NPLOC4: variants seen among roughly 807,000 people sequenced by gnomAD.
NPLOC4 encodes NPL4 homolog, ubiquitin recognition factor.
A neutral mutation model predicts 80.6 loss-of-function variants in NPLOC4; 18 were observed. The ratio of observed to expected loss-of-function variants is 0.22; its 90% confidence interval spans 0.15 to 0.33. The LOEUF (loss-of-function observed/expected upper bound fraction) is 0.33. Among genes scored for constraint, NPLOC4 ranks in the 10% least tolerant of loss-of-function variants. The probability of loss-of-function intolerance (pLI) is 1.00; values close to 1 mark genes in which losing one functional copy is unlikely to be tolerated. For missense variants in NPLOC4, 540 were observed against 786.1 expected, an observed-to-expected ratio of 0.69 and a Z score of 3.74; for synonymous variants, 313 against 301.5, an observed-to-expected ratio of 1.04 and a Z score of -0.39.
chr17:81,562,145 T>C (rs2033870599), intron 16 of NPLOC4: 1 of 152,032 alleles, frequency 6.6e-6, no homozygotes, highest in Non-Finnish European at 1.5e-5. Flanking sequence ...GGCAGGAGTA[T>C]CACTTGAACC....
intron 4 of NPLOC4, chr17:81,612,535 G>C (rs909275867): frequency 3.3e-5 from 5 of 152,232 alleles, no homozygotes; most frequent in Admixed American, 2.0e-4. Flanking sequence ...TCTGATCTAA[G>C]ACATAAAAGT....
chr17:81,608,737 C>A lies in NPLOC4; in HGVS notation c.521G>T (p.Gly174Val). 1 of 1,585,478 alleles carries A rather than the reference C, an allele frequency of 6.3e-7. No homozygotes were observed. Among genetic ancestry groups the A allele is most frequent in the East Asian group, 2.3e-5 (1 of 43,604 alleles). The change falls in exon 6 of 17, where the codon GGG becomes GTG. Residue 174 changes from glycine (G) to valine (V), a missense_variant. This residue lies in a region of NPLOC4 where 61 missense variants were observed against 156.7 expected (regional missense o/e 0.39). Transcript: ENST00000331134. ...ACAGCAAGTTGCTTACTTGTCAGCCCCTCCAGTCAGCTTCCGGATGTAGGC... is the reference window on the plus strand; with the variant it reads ...ACAGCAAGTTGCTTACTTGTCAGCCACTCCAGTCAGCTTCCGGATGTAGGC... Reference protein sequence around the residue: ...FHAYIRKLTGGADKGKFVALE... With the variant: ...FHAYIRKLTGVADKGKFVALE...
intron 2 of NPLOC4, among the ~76,000 whole-genome samples, chr17:81,628,602 C>T (rs1285924559): frequency 6.6e-6 from 1 of 152,110 alleles, no homozygotes; most frequent in Non-Finnish European, 1.5e-5. Flanking sequence ...GACCAACAAA[C>T]CTACCTACAA....
chr17:81,568,386 G>A (rs536726612), intron 14 of NPLOC4, among the ~76,000 whole-genome samples: 1 of 152,364 alleles, frequency 6.6e-6, no homozygotes, highest in South Asian at 2.1e-4. Context: ...TGGGCGGATG[G>A]GCACTGAGGG....
At position 81,610,231 on chromosome 17, in the gene NPLOC4, G is replaced by C; in HGVS notation, c.414C>G (p.Cys138Trp). The C allele has an allele frequency of 6.3e-7, 1 of 1,575,320 alleles. No homozygotes were observed. Among genetic ancestry groups the C allele is most frequent in the Non-Finnish European group, 8.6e-7 (1 of 1,161,034 alleles). ...TCACCTCTAGAGGGACGCAGTGCAC[G>C]CATTTCCCCAAAGGGCCGTGGCGGC... ...QLCRHGPLGKCVHCVPLEPFD... is the reference protein window; with the variant it reads ...QLCRHGPLGKWVHCVPLEPFD... Residue 138 changes from cysteine to tryptophan, a missense_variant, in exon 5 of 17, where the codon TGC becomes TGG. By Grantham distance (215) the Cys-to-Trp change is radical (BLOSUM62 -2). Around this residue, in one of 6 missense-constraint regions of NPLOC4, gnomAD observed 74 missense variants for 75.7 expected, o/e 0.98. Coordinates refer to ENST00000331134, the MANE Select transcript of NPLOC4 (RefSeq NM_017921.4).
chr17:81,629,402 C>G (rs1372597034), intron 2 of NPLOC4, among the ~76,000 whole-genome samples: 4 of 151,830 alleles, frequency 2.6e-5, no homozygotes, highest in African/African-American at 4.8e-5. Flanking sequence ...CTTGGCCAGG[C>G]TGGTCTTGAA....
rs536162981 is a variant in NPLOC4 at position 81,622,599 on chromosome 17, G to A, written c.97-321C>T. Among the ~76,000 whole-genome samples the A allele has an allele frequency of 1.6e-4, 24 of 152,292 alleles. No individual in the cohort carries two copies. In the South Asian group the frequency reaches 4.8e-3, roughly 30 times the overall value. ...ACAGTCTCGTTCTGTAGCCCAAGCT[G>A]GAGTACAGTGGCATGATCTCGGCTT... On this transcript the variant is annotated intron_variant, in intron 2 of 16. Coordinates refer to ENST00000331134, the MANE Select transcript of NPLOC4 (RefSeq NM_017921.4).
At chr17:81,562,307 G>A (rs1357701953) in intron 16 of NPLOC4, 1 of 152,186 alleles carries the variant, frequency 6.6e-6, no homozygotes, top group Non-Finnish European at 1.5e-5. Flanking sequence ...GGGAAGCCGA[G>A]GTGGGTGGAT....
At chr17:81,611,419 G>A (rs901941213) in intron 4 of NPLOC4, among the ~76,000 whole-genome samples, 4 of 151,416 alleles carry the variant, frequency 2.6e-5, no homozygotes, top group Non-Finnish European at 2.9e-5. Flanking sequence ...GTATGATCTC[G>A]GCTCCATGCA....
chr17:81,589,561 C>T (rs552967448), intron 11 of NPLOC4, among the ~76,000 whole-genome samples: 1 of 150,854 alleles, frequency 6.6e-6, no homozygotes, highest in East Asian at 1.9e-4. Context: ...CAGTAGTCAA[C>T]GGATGGGTGG....
chr17:81,581,350 A>AG (rs2034434575), intron 12 of NPLOC4, among the ~76,000 whole-genome samples: 1 of 58,326 alleles, frequency 1.7e-5, no homozygotes, highest in African/African-American at 5.2e-5. Context: ...CTCCAACGCA[A>AG]AAAAAAAAAA....
In NPLOC4 at chr17:81,614,077, C is replaced by T. The variant is rs150262497; in HGVS notation, c.210-583G>A. 9.5e-4 allele frequency among the ~76,000 whole-genome samples: 145 copies of T among 152,008 alleles called. 1 individual carries two copies. The highest frequency in any genetic ancestry group is 3.4e-3 in the African/African-American group (139 of 41,458). The stretch of plus-strand genomic sequence containing the variant: ...GGATCACAAGGTCAAAAGATCAAGA[C>T]CATCCTGGCCAACAGGGTGAAATCT... On this transcript the variant is annotated intron_variant, in intron 3 of 16. Transcript: ENST00000331134.
At chr17:81,614,382 G>A (rs2035424680) in intron 3 of NPLOC4, 2 of 150,104 alleles carry the variant, frequency 1.3e-5, no homozygotes, top group South Asian at 4.3e-4. Context: ...TAATTGCTAT[G>A]ACAATGGCTG....
chr17:81,606,797 A>T lies in NPLOC4; in HGVS notation c.548T>A (p.Leu183Gln). ...GGADKGKFVA[L>Q]ENISCKIKSG... ...CTTAATCTTGCAGCTGATGTTCTCC[A>T]GGGCAACAAACTTCCCCCTACATAG... The change falls in exon 7 of 17, where the codon CTG (leucine) becomes CAG (glutamine). Residue 183 changes from leucine to glutamine, a missense_variant. By Grantham distance (113) the Leu-to-Gln change is moderately radical. Transcript: ENST00000331134. The T allele has an allele frequency of 6.2e-7, 1 of 1,612,350 alleles. No individual in the cohort carries two copies. Among genetic ancestry groups the T allele is most frequent in the Non-Finnish European group, 8.5e-7 (1 of 1,179,304 alleles).
chr17:81,629,832 C>T, intron 1 of NPLOC4, 27 bp from the exon 2 acceptor site: 3 of 1,532,994 alleles, frequency 2.0e-6, no homozygotes, highest in Non-Finnish European at 2.7e-6. Context: ...ATGATGGTTA[C>T]TGCACAGCCT....
intron 15 of NPLOC4, chr17:81,566,520 G>C (rs932684746): frequency 4.6e-5 from 7 of 152,250 alleles, no homozygotes; most frequent in African/African-American, 1.7e-4. Flanking sequence ...CTCGGAGCAG[G>C]AGGTGCAGTT....
chr17:81,587,630 TAAA>T (rs57639613), intron 12 of NPLOC4, among the ~76,000 whole-genome samples: 1 of 102,162 alleles, frequency 9.8e-6, no homozygotes, highest in Non-Finnish European at 1.9e-5. Flanking sequence ...CCTGTCTCTT[TAAA>T]AAAAAAAAAA....
chr17:81,574,156 C>T (rs538437319), intron 12 of NPLOC4, among the ~76,000 whole-genome samples: 1 of 152,352 alleles, frequency 6.6e-6, no homozygotes, highest in South Asian at 2.1e-4. Flanking sequence ...TGCAACAACT[C>T]ACACATAATT....
At chr17:81,634,262 A>G (rs1363200340) in intron 1 of NPLOC4, among the ~76,000 whole-genome samples, 2 of 152,164 alleles carry the variant, frequency 1.3e-5, no homozygotes. Context: ...CGGCCTCTCA[A>G]AGTGCTGGGA....
Sources: gnomAD v4.1 joint callset for allele counts (sites outside exome capture counted in the v4.1 genomes callset) on GRCh38, gnomAD v4.1.1 for gene constraint, gnomAD v4.1.1 regional missense constraint, MANE v1.5 for transcripts, NCBI Gene and HGNC (gene_info 2026-07-23, HGNC 2026-07-21) for gene names.